DCC: variants seen among roughly 807,000 people sequenced by gnomAD.
DCC encodes netrin receptor DCC.
In DCC, 58 loss-of-function variants were observed where a neutral mutation model predicts 172.5. The ratio of observed to expected loss-of-function variants is 0.34; its 90% confidence interval spans 0.27 to 0.42. The LOEUF is 0.42. DCC is among the 10% of genes least tolerant of loss of function. The probability of loss-of-function intolerance (pLI) is 1.00; values close to 1 mark genes in which losing one functional copy is unlikely to be tolerated. For synonymous variants in DCC, 709 were observed against 644.5 expected (o/e 1.10, Z -1.52); for missense variants, 1,740 against 1,791.0 (o/e 0.97, Z 0.51).
At chr18:52,677,597 A>G (rs1281371559) in intron 1 of DCC, among the ~76,000 whole-genome samples, 4 of 152,164 alleles carry the variant, frequency 2.6e-5, no homozygotes, top group Admixed American at 6.6e-5. Flanking sequence ...ACTGGTAAAG[A>G]AGGAAGAAAT....
At chr18:53,447,170 A>C (rs1014412639) in intron 22 of DCC, among the ~76,000 whole-genome samples, 3 of 152,252 alleles carry the variant, frequency 2.0e-5, no homozygotes, top group Non-Finnish European at 4.4e-5. Flanking sequence ...GTAATCATTC[A>C]GTATTCACTA....
chr18:52,498,283 G>A (rs139888390), intron 1 of DCC, among the ~76,000 whole-genome samples: 105 of 152,136 alleles, frequency 6.9e-4, no homozygotes, highest in African/African-American at 2.3e-3. Flanking sequence ...GCTTGTCTTA[G>A]GCTGCTTGGG....
intron 1 of DCC, among the ~76,000 whole-genome samples, chr18:52,668,221 A>G (rs2035490121): frequency 6.6e-6 from 1 of 152,192 alleles, no homozygotes; most frequent in Non-Finnish European, 1.5e-5. Flanking sequence ...AGGTAATCTC[A>G]TGTGTTTGAG....
intron 1 of DCC, among the ~76,000 whole-genome samples, chr18:52,536,956 C>T (rs1172027126): frequency 6.6e-6 from 1 of 152,090 alleles, no homozygotes; most frequent in East Asian, 1.9e-4. Flanking sequence ...AAGGTTTAGA[C>T]TCAGTGCAGT....
intron 7 of DCC, among the ~76,000 whole-genome samples, chr18:53,147,913 A>G (rs763596382): frequency 8.5e-5 from 13 of 152,198 alleles, no homozygotes; most frequent in Non-Finnish European, 1.6e-4. Flanking sequence ...GTATCCTACA[A>G]TGGTAAAAAG....
chr18:52,790,554 T>A (rs1291576352), intron 2 of DCC, among the ~76,000 whole-genome samples: 1 of 152,106 alleles, frequency 6.6e-6, no homozygotes, highest in Non-Finnish European at 1.5e-5. Flanking sequence ...AAATTAACAT[T>A]TCCCAGGTTG....
In DCC at chr18:52,920,254, A is replaced by G. The variant is rs117563814; in HGVS notation, c.698-3453A>G. Among the ~76,000 whole-genome samples, 76 of 152,206 alleles carry G rather than the reference A, an allele frequency of 5.0e-4. 1 individual carries two copies. Among genetic ancestry groups the G allele is most frequent in the Admixed American group, 2.0e-3 (30 of 15,278 alleles). On this transcript the variant is annotated intron_variant, in intron 3 of 28. Coordinates refer to ENST00000442544, the MANE Select transcript of DCC (RefSeq NM_005215.4). ...TAAAAACTTATCTTCTACAAAAGATACTTTTAAAAGAGTAAAAAACAACCC... is the reference window on the plus strand; with the variant it reads ...TAAAAACTTATCTTCTACAAAAGATGCTTTTAAAAGAGTAAAAAACAACCC...
intron 15 of DCC, among the ~76,000 whole-genome samples, chr18:53,369,705 C>T (rs2144953818): frequency 6.6e-6 from 1 of 151,936 alleles, no homozygotes; most frequent in East Asian, 1.9e-4. Flanking sequence ...TTGTCAAATG[C>T]TTTTTCTGCA....
chr18:52,418,009 G>A (rs1987105170), intron 1 of DCC, among the ~76,000 whole-genome samples: 1 of 152,232 alleles, frequency 6.6e-6, no homozygotes, highest in East Asian at 1.9e-4. Context: ...AATTTTATAG[G>A]ACCCCGGAAA....
chr18:52,671,958 T>G (rs115115795), intron 1 of DCC, among the ~76,000 whole-genome samples: 1 of 152,182 alleles, frequency 6.6e-6, no homozygotes, highest in Non-Finnish European at 1.5e-5. Flanking sequence ...CCAGATACAC[T>G]TCTGTTGAAG....
At chr18:53,244,478 G>C (rs545269327) in intron 12 of DCC, among the ~76,000 whole-genome samples, 23 of 152,250 alleles carry the variant, frequency 1.5e-4, no homozygotes, top group African/African-American at 4.8e-4. Flanking sequence ...TTGTGATTTT[G>C]TGTGTTGACT....
At chr18:52,524,900 A>G (rs371067460) in intron 1 of DCC, among the ~76,000 whole-genome samples, 5 of 149,074 alleles carry the variant, frequency 3.4e-5, no homozygotes, top group Non-Finnish European at 3.0e-5. Flanking sequence ...ATTTTTTTTT[A>G]TTTTTGGTCA....
intron 2 of DCC, among the ~76,000 whole-genome samples, chr18:52,788,789 G>A (rs1315822754): frequency 6.6e-6 from 1 of 152,162 alleles, no homozygotes; most frequent in African/African-American, 2.4e-5. Context: ...AGGCACAGCT[G>A]AAGGCAAAGA....
At position 53,008,332 on chromosome 18, in the gene DCC, G is replaced by A. The variant is rs114017337; in HGVS notation, c.986-54973G>A. 6.5e-3 allele frequency among the ~76,000 whole-genome samples: 989 copies of A among 151,960 alleles called. 6 individuals carry two copies. The highest frequency in any genetic ancestry group is 0.023 in the African/African-American group (944 of 41,478). On this transcript the variant is annotated intron_variant, in intron 5 of 28. Coordinates refer to ENST00000442544, the MANE Select transcript of DCC (RefSeq NM_005215.4). ...ATTCTACTTAATTATAGTTCTGTTGGTATCTCAGTAATTTCCATTTAATTT... is the reference window on the plus strand; with the variant it reads ...ATTCTACTTAATTATAGTTCTGTTGATATCTCAGTAATTTCCATTTAATTT...
At chr18:52,803,796 G>A (rs541609542) in intron 2 of DCC, among the ~76,000 whole-genome samples, 2 of 152,120 alleles carry the variant, frequency 1.3e-5, no homozygotes, top group African/African-American at 4.8e-5. Flanking sequence ...ACACACTCAT[G>A]GACCTCTCCA....
At chr18:52,664,718 G>A (rs906492811) in intron 1 of DCC, among the ~76,000 whole-genome samples, 2 of 151,962 alleles carry the variant, frequency 1.3e-5, no homozygotes, top group Admixed American at 6.5e-5. Context: ...TGATCCGCCC[G>A]CCTCGGCCTC....
chr18:53,467,432 A>G (rs74781699), intron 24 of DCC, among the ~76,000 whole-genome samples: 1 of 152,050 alleles, frequency 6.6e-6, no homozygotes, highest in Non-Finnish European at 1.5e-5. Context: ...GGTTTTTTGT[A>G]ATAAAATTTA....
chr18:52,397,879 G>A (rs1986290246), intron 1 of DCC, among the ~76,000 whole-genome samples: 1 of 151,932 alleles, frequency 6.6e-6, no homozygotes, highest in African/African-American at 2.4e-5. Context: ...GATGGTGCTG[G>A]CCACGGAATA....
intron 2 of DCC, among the ~76,000 whole-genome samples, chr18:52,833,641 C>A (rs1231850234): frequency 6.6e-6 from 1 of 152,112 alleles, no homozygotes; most frequent in African/African-American, 2.4e-5. Flanking sequence ...AGAACCACCA[C>A]TACAATCCTT....
Sources: gnomAD v4.1 joint callset for allele counts (sites outside exome capture counted in the v4.1 genomes callset) on GRCh38, gnomAD v4.1.1 for gene constraint, MANE v1.5 for transcripts, NCBI Gene and HGNC (gene_info 2026-07-23, HGNC 2026-07-21) for gene names.